SLC19A2: variants seen among roughly 807,000 people sequenced by gnomAD.
SLC19A2 encodes solute carrier family 19 member 2.
SLC19A2 carries 27 observed loss-of-function variants against 44.7 expected under a neutral mutation model. That is an observed-to-expected ratio of 0.60 (90% CI 0.45 to 0.83). The LOEUF is 0.83. Among genes scored for constraint, SLC19A2 ranks in the 40% least tolerant of loss-of-function variants. The pLI, the probability that SLC19A2 is intolerant of heterozygous loss-of-function variation, is 0.00. For missense variants in SLC19A2, 566 were observed against 613.7 expected, an observed-to-expected ratio of 0.92 and a Z score of 0.82; for synonymous variants, 239 against 243.6, an observed-to-expected ratio of 0.98 and a Z score of 0.18.
At chr1:169,482,165 C>T (rs998668433) in intron 1 of SLC19A2, among the ~76,000 whole-genome samples, 4 of 151,836 alleles carry the variant, frequency 2.6e-5, no homozygotes, top group Admixed American at 2.6e-4. Context: ...CACGCCATTG[C>T]ACTCCAGCCT....
chr1:169,468,687 C>G lies in SLC19A2; in HGVS notation c.1180G>C (p.Val394Leu). The change falls in exon 4 of 6, where the codon GTT (valine) becomes CTT (leucine). Residue 394 changes from valine (V) to leucine (L), a missense_variant. Physicochemically the swap from Val to Leu is conservative, Grantham distance 32. Coordinates refer to ENST00000236137, the MANE Select transcript of SLC19A2 (RefSeq NM_006996.3). The part of the protein sequence containing the change: ...GNIWVCYASY[V>L]VFRIIYMLLI... ...AACATGTAGATGATTCTGAAGACAA[C>G]ATAGGATGCATAGCACACCCAAATG... The G allele has an allele frequency of 6.2e-7, 1 of 1,613,842 alleles. No individual in the cohort carries two copies. Among genetic ancestry groups the G allele is most frequent in the Non-Finnish European group, 8.5e-7 (1 of 1,179,850 alleles).
rs1171428868 is a variant in SLC19A2, at chr1:169,485,607, T to G, written c.160A>C (p.Thr54Pro). The change falls in exon 1 of 6, where the codon ACC becomes CCC. Residue 54 changes from threonine (T) to proline (P), a missense_variant. Transcript: ENST00000236137. Reference sequence around the variant, plus strand: ...TTGTCCGGCCCCAGCAGGTACGGGGTCAGGAAGGGCTCGGACGGCCTGAGG... The same window carrying G: ...TTGTCCGGCCCCAGCAGGTACGGGGGCAGGAAGGGCTCGGACGGCCTGAGG... ...ASLRPSEPFL[T>P]PYLLGPDKNL... 1 of 1,580,986 alleles carries G rather than the reference T, an allele frequency of 6.3e-7. No individual in the cohort carries two copies. Among genetic ancestry groups the G allele is most frequent in the African/African-American group, 1.4e-5 (1 of 73,980 alleles).
At chr1:169,484,501 C>G (rs192163123) in intron 1 of SLC19A2, among the ~76,000 whole-genome samples, 2 of 152,108 alleles carry the variant, frequency 1.3e-5, no homozygotes, top group Admixed American at 1.3e-4. Context: ...TCAAGTGGCC[C>G]CTTGACTGAT....
chr1:169,478,421 A>T (rs1009166273), intron 1 of SLC19A2, among the ~76,000 whole-genome samples: 3 of 148,526 alleles, frequency 2.0e-5, no homozygotes, highest in Non-Finnish European at 3.0e-5. Context: ...TGGCAGAATC[A>T]TGGTTCACTG....
intron 2 of SLC19A2, among the ~76,000 whole-genome samples, chr1:169,475,775 G>T (rs930270470): frequency 3.9e-5 from 6 of 152,164 alleles, no homozygotes; most frequent in African/African-American, 1.4e-4. Flanking sequence ...GATGAGGGTT[G>T]CCCAGGCTCT....
At chr1:169,485,297 CA>C (rs1658529025) in intron 1 of SLC19A2, among the ~76,000 whole-genome samples, 2 of 152,242 alleles carry the variant, frequency 1.3e-5, no homozygotes, top group Admixed American at 1.3e-4. Flanking sequence ...AGCCACATTA[CA>C]ACACGATCAG....
At chr1:169,476,680 A>G (rs1319238248) in intron 2 of SLC19A2, among the ~76,000 whole-genome samples, 1 of 152,170 alleles carries the variant, frequency 6.6e-6, no homozygotes, top group East Asian at 1.9e-4. Flanking sequence ...AGATCGCACC[A>G]CTGTTCTCCA....
At position 169,468,726 on chromosome 1, in the gene SLC19A2, C is replaced by T; in HGVS notation, c.1141G>A (p.Asp381Asn). Residue 381 changes from aspartate (D) to asparagine (N), a missense_variant, in exon 4 of 6, where the codon GAC becomes AAC. Physicochemically the swap from Asp to Asn is conservative, Grantham distance 23 (BLOSUM62 1). Transcript: ENST00000236137. ...CACACCCAAATGTTACCCACAGTGT[C>T]CATGATATACACTGCAGCAGCAATC... The part of the protein sequence containing the change: ...LLIAAAVYIM[D>N]TVGNIWVCYA... 6.2e-7 allele frequency: 1 copy of T among 1,612,876 alleles called. No individual in the cohort carries two copies. The highest frequency in any genetic ancestry group is 8.5e-7 in the Non-Finnish European group (1 of 1,178,948).
At chr1:169,479,674 CCAA>C (rs1175918813) in intron 1 of SLC19A2, among the ~76,000 whole-genome samples, 5 of 152,230 alleles carry the variant, frequency 3.3e-5, no homozygotes, top group Admixed American at 1.3e-4. Flanking sequence ...TCCCATTCTT[CCAA>C]CAACAATCAC....
At chr1:169,481,938 C>T (rs1052360897) in intron 1 of SLC19A2, among the ~76,000 whole-genome samples, 4 of 152,220 alleles carry the variant, frequency 2.6e-5, no homozygotes, top group Non-Finnish European at 4.4e-5. Flanking sequence ...GTGGCTCATG[C>T]CTGTAATCCC....
At position 169,475,484 on chromosome 1, in the gene SLC19A2, A is replaced by G. The variant is rs1326265789; in HGVS notation, c.807+1671T>C. ...AACTATGGTCAATATGTTAATATCTAAAATATATATTTATACACATATTAT... is the reference window on the plus strand; with the variant it reads ...AACTATGGTCAATATGTTAATATCTGAAATATATATTTATACACATATTAT... On this transcript the variant is annotated intron_variant, in intron 2 of 5. Coordinates refer to ENST00000236137, the MANE Select transcript of SLC19A2 (RefSeq NM_006996.3). Among the ~76,000 whole-genome samples, 4 of 152,134 alleles carry G rather than the reference A, an allele frequency of 2.6e-5. No homozygotes were observed. In the East Asian group the frequency reaches 7.7e-4, roughly 29 times the overall value.
chr1:169,477,882 C>A, intron 1 of SLC19A2, 125 bp from the exon 2 acceptor site: 1 of 955,300 alleles, frequency 1.0e-6, no homozygotes, highest in East Asian at 2.6e-5. Context: ...TTGACAACAG[C>A]AGTTCAGATA....
rs373074008 is a variant in SLC19A2 at position 169,473,436 on chromosome 1, G to A, written c.808-3250C>T. Among the ~76,000 whole-genome samples, 7 of 148,280 alleles carry A rather than the reference G, an allele frequency of 4.7e-5. No homozygotes were observed. The East Asian group carries it at 1.2e-3, about 25-fold the overall frequency. ...TTTTTTTTTTTTTTTAGCAGACATC[G>A]TGTTTCACTATGTTGGCAAGGCTCG... On this transcript the variant is annotated intron_variant, in intron 2 of 5. Transcript: ENST00000236137.
intron 1 of SLC19A2, among the ~76,000 whole-genome samples, chr1:169,479,307 T>C (rs192626270): frequency 6.6e-6 from 1 of 152,372 alleles, no homozygotes; most frequent in East Asian, 1.9e-4. Context: ...TTTATGTCCT[T>C]CTTTTTGCTT....
At chr1:169,477,123 A>G (rs1217841051) in intron 2 of SLC19A2, 32 bp downstream of exon 2, 2 of 1,612,290 alleles carry the variant, frequency 1.2e-6, no homozygotes, top group African/African-American at 2.7e-5. Flanking sequence ...CCCCCATAGT[A>G]GCAATTACAA....
intron 1 of SLC19A2, among the ~76,000 whole-genome samples, chr1:169,483,302 A>C: frequency 6.6e-6 from 1 of 152,238 alleles, no homozygotes; most frequent in East Asian, 1.9e-4. Context: ...TTGCTTAAAA[A>C]TCATGTAATT....
chr1:169,465,785 C>A lies in SLC19A2; in HGVS notation c.*64G>T, dbSNP rs1481844969. 4 of 1,581,766 alleles carry A rather than the reference C, an allele frequency of 2.5e-6. No homozygotes were observed. In the South Asian group the frequency reaches 4.4e-5, roughly 18 times the overall value. On this transcript the variant is annotated 3_prime_UTR_variant, in exon 6 of 6. Coordinates refer to ENST00000236137, the MANE Select transcript of SLC19A2 (RefSeq NM_006996.3). ...AATATATGTCTACGCTTTAAAAAATCAAACACATCCAGGCAGTTGCTGTGC... is the reference window on the plus strand; with the variant it reads ...AATATATGTCTACGCTTTAAAAAATAAAACACATCCAGGCAGTTGCTGTGC...
At chr1:169,468,006 A>C in intron 5 of SLC19A2, 105 bp downstream of exon 5, 1 of 1,143,068 alleles carries the variant, frequency 8.7e-7, no homozygotes, top group Non-Finnish European at 1.3e-6. Context: ...TTTACTTTAC[A>C]TCTGTTCCCT....
In SLC19A2 at chr1:169,477,747, T is replaced by C; in HGVS notation, c.215A>G (p.Glu72Gly). 1 of 1,610,880 alleles carries C rather than the reference T, an allele frequency of 6.2e-7. No homozygotes were observed. The highest frequency in any genetic ancestry group is 1.1e-5 in the South Asian group (1 of 90,614). Residue 72 changes from glutamate (E) to glycine (G), a missense_variant, in exon 2 of 6, where the codon GAA becomes GGA. Physicochemically the swap from Glu to Gly is moderately conservative, Grantham distance 98. Coordinates refer to ENST00000236137, the MANE Select transcript of SLC19A2 (RefSeq NM_006996.3). ...KNLTEREVFN[E>G]IYPVWTYSYL... ...AGAGTAAGTCCATACTGGATAAATT[T>C]CATTGAAGACCTGGTAGAAAGAGAA...
Sources: allele counts gnomAD v4.1 joint callset (sites outside exome capture counted in the v4.1 genomes callset), GRCh38; gene constraint gnomAD v4.1.1; transcripts MANE v1.5; gene names NCBI Gene and HGNC (gene_info 2026-07-23, HGNC 2026-07-21).